KIAA1217: variants seen among roughly 807,000 people sequenced by gnomAD.
The protein encoded by KIAA1217 is KIAA1217.
KIAA1217 carries 88 observed loss-of-function variants against 163.9 expected under a neutral mutation model. The ratio of observed to expected loss-of-function variants is 0.54; its 90% CI spans 0.45 to 0.64. The LOEUF is 0.64. Among genes scored for constraint, KIAA1217 ranks in the 30% least tolerant of loss-of-function variants. The pLI, the probability that KIAA1217 is intolerant of heterozygous loss-of-function variation, is 0.00. For missense variants in KIAA1217, 2,372 were observed against 2,475.0 expected (o/e 0.96, Z 0.88); for synonymous variants, 903 against 923.1 (o/e 0.98, Z 0.39).
intron 3 of KIAA1217, among the ~76,000 whole-genome samples, chr10:24,416,298 A>G (rs2131430051): frequency 6.6e-6 from 1 of 152,286 alleles, no homozygotes; most frequent in African/African-American, 2.4e-5. Flanking sequence ...AACCAAAAAT[A>G]ATCAGATCCC....
At chr10:23,775,672 T>C (rs1467524091) in intron 1 of KIAA1217, among the ~76,000 whole-genome samples, 2 of 152,242 alleles carry the variant, frequency 1.3e-5, no homozygotes, top group South Asian at 4.1e-4. Context: ...TAATTCAAGA[T>C]ATGAAACTTC....
At chr10:24,033,211 G>A (rs1848260826) in intron 2 of KIAA1217, among the ~76,000 whole-genome samples, 1 of 152,182 alleles carries the variant, frequency 6.6e-6, no homozygotes, top group African/African-American at 2.4e-5. Context: ...GCTTTTTAAA[G>A]GGTTCTTAGA....
At chr10:24,371,873 T>C (rs938324441) in intron 2 of KIAA1217, among the ~76,000 whole-genome samples, 2 of 152,108 alleles carry the variant, frequency 1.3e-5, no homozygotes, top group African/African-American at 4.8e-5. Context: ...AATTCTCTGA[T>C]TTGTAAAAAC....
At chr10:23,844,410 C>G (rs938435826) in intron 1 of KIAA1217, among the ~76,000 whole-genome samples, 1 of 152,170 alleles carries the variant, frequency 6.6e-6, no homozygotes, top group Non-Finnish European at 1.5e-5. Context: ...CTCCTTCAGC[C>G]TACTGAAGAT....
chr10:24,067,149 A>C (rs1427940379), intron 2 of KIAA1217, among the ~76,000 whole-genome samples: 3 of 152,152 alleles, frequency 2.0e-5, no homozygotes, highest in Non-Finnish European at 4.4e-5. Context: ...AACTCGTCAA[A>C]GTCATTCCCC....
chr10:23,902,144 G>C (rs1384117539), intron 1 of KIAA1217, among the ~76,000 whole-genome samples: 1 of 151,952 alleles, frequency 6.6e-6, no homozygotes, highest in African/African-American at 2.4e-5. Context: ...TCTGACATAT[G>C]ATCATTAAAA....
chr10:24,363,427 A>G (rs1304905510), intron 2 of KIAA1217, among the ~76,000 whole-genome samples: 1 of 152,184 alleles, frequency 6.6e-6, no homozygotes, highest in Non-Finnish European at 1.5e-5. Context: ...ATAGCTGATG[A>G]ATTTATTAGG....
intron 1 of KIAA1217, among the ~76,000 whole-genome samples, chr10:23,767,450 A>T (rs1030155515): frequency 6.6e-6 from 1 of 152,206 alleles, no homozygotes; most frequent in Admixed American, 6.5e-5. Context: ...GGACATATTT[A>T]GTAGGTCAGG....
intron 2 of KIAA1217, among the ~76,000 whole-genome samples, chr10:24,138,071 G>A (rs116670864): frequency 0.02 from 2,993 of 152,280 alleles, 101 homozygotes; most frequent in African/African-American, 0.069. Flanking sequence ...AGTAGCATAA[G>A]GTTCTTTCCA....
At chr10:23,772,216 C>T (rs1834829953) in intron 1 of KIAA1217, among the ~76,000 whole-genome samples, 1 of 152,140 alleles carries the variant, frequency 6.6e-6, no homozygotes, top group Non-Finnish European at 1.5e-5. Flanking sequence ...GGAGCCTTTG[C>T]CTCAGCGGAC....
intron 2 of KIAA1217, among the ~76,000 whole-genome samples, chr10:24,188,308 C>T (rs978234856): frequency 1.3e-5 from 2 of 152,122 alleles, no homozygotes; most frequent in African/African-American, 4.8e-5. Flanking sequence ...CTCCTTTATC[C>T]CACCTCCAAA....
chr10:24,048,928 G>A (rs1441738961), intron 2 of KIAA1217, among the ~76,000 whole-genome samples: 1 of 150,912 alleles, frequency 6.6e-6, no homozygotes, highest in Non-Finnish European at 1.5e-5. Context: ...CTACTCAGGT[G>A]GCTGAGGCAG....
At chr10:24,367,351 C>A (rs1308053934) in intron 2 of KIAA1217, among the ~76,000 whole-genome samples, 1 of 152,180 alleles carries the variant, frequency 6.6e-6, no homozygotes, top group Non-Finnish European at 1.5e-5. Flanking sequence ...CTATCAGAGC[C>A]AAGTGCTTGT....
chr10:24,379,710 A>G (rs2053025693), intron 2 of KIAA1217, among the ~76,000 whole-genome samples: 1 of 152,080 alleles, frequency 6.6e-6, no homozygotes, highest in Non-Finnish European at 1.5e-5. Flanking sequence ...GTAGCCCAAA[A>G]CTCAAGGCAG....
intron 1 of KIAA1217, among the ~76,000 whole-genome samples, chr10:23,717,674 T>C (rs1233523030): frequency 6.6e-6 from 1 of 152,054 alleles, no homozygotes. Context: ...TCAATGACAG[T>C]AGAAATAGGG....
chr10:24,484,332 C>T lies in KIAA1217; in HGVS notation c.1680-10168C>T, dbSNP rs1463590448. Reference sequence around the variant, plus strand: ...TGATCTCGGCTCACTGCAACCTCCGCCTCCCGGGTTCAAACAATTCTCCTG... The same window carrying T: ...TGATCTCGGCTCACTGCAACCTCCGTCTCCCGGGTTCAAACAATTCTCCTG... On this transcript the variant is annotated intron_variant, in intron 6 of 20. Transcript: ENST00000376454. 3.4e-5 allele frequency among the ~76,000 whole-genome samples: 5 copies of T among 145,880 alleles called. No homozygotes were observed. In the Admixed American group the frequency reaches 3.4e-4, roughly 10 times the overall value.
chr10:24,112,553 C>T lies in KIAA1217; in HGVS notation c.-171+105179C>T, dbSNP rs142118440. 8.0e-3 allele frequency among the ~76,000 whole-genome samples: 1,216 copies of T among 152,144 alleles called. 34 individuals carry two copies. The highest frequency in any genetic ancestry group is 0.056 in the Admixed American group (850 of 15,286). On this transcript the variant is annotated intron_variant, in intron 2 of 18. Coordinates refer to the KIAA1217 transcript ENST00000376462. ...AGATCATACTAAATTAGGGTTGGCC[C>T]TAACTCCAATGACTAGTGCTCTTTT...
chr10:24,087,787 C>G (rs2061750707), intron 2 of KIAA1217, among the ~76,000 whole-genome samples: 2 of 152,148 alleles, frequency 1.3e-5, no homozygotes, highest in African/African-American at 4.8e-5. Context: ...CAGTGACAGA[C>G]TTCAGCACTC....
At chr10:24,401,107 C>T (rs534759457) in intron 3 of KIAA1217, among the ~76,000 whole-genome samples, 1 of 151,840 alleles carries the variant, frequency 6.6e-6, no homozygotes, top group Non-Finnish European at 1.5e-5. Context: ...TTAATACCAG[C>T]ATGCTTTTAT....
Sources: allele counts gnomAD v4.1 joint callset (sites outside exome capture counted in the v4.1 genomes callset), GRCh38; gene constraint gnomAD v4.1.1; transcripts MANE v1.5; gene names NCBI Gene and HGNC (gene_info 2026-07-23, HGNC 2026-07-21).